The following DPYD variants were observed in gnomAD, a reference collection of about 807,000 sequenced individuals.
DPYD encodes dihydropyrimidine dehydrogenase [NADP(+)].
In DPYD, 109 loss-of-function variants were observed where a neutral mutation model predicts 116.2. That is an observed-to-expected ratio of 0.94 (90% CI 0.80 to 1.10). The LOEUF (loss-of-function observed/expected upper bound fraction) is 1.10, where lower values mean the gene tolerates loss of function less well. DPYD is among the 50% of genes least tolerant of loss of function. DPYD has a pLI of 0.00. For missense variants in DPYD, 1,302 were observed against 1,254.5 expected (o/e 1.04, Z -0.57); for synonymous variants, 440 against 432.0 (o/e 1.02, Z -0.23).
At chr1:97,745,663 T>G (rs1051124770) in intron 3 of DPYD, among the ~76,000 whole-genome samples, 2 of 152,096 alleles carry the variant, frequency 1.3e-5, no homozygotes, top group Non-Finnish European at 2.9e-5. Context: ...ATACACATTA[T>G]TTATCTTCAT....
At chr1:97,466,653 T>A (rs1677339751) in intron 13 of DPYD, among the ~76,000 whole-genome samples, 1 of 152,052 alleles carries the variant, frequency 6.6e-6, no homozygotes, top group African/African-American at 2.4e-5. Context: ...TCAAAAATGT[T>A]CTTTGAAATA....
At position 97,264,133 on chromosome 1, in the gene DPYD, C is replaced by T. The variant is rs559940072; in HGVS notation, c.2300-29139G>A. ...GGTTACCTACAGATAGCTATGACTGCCAATTCTGAATCTTAATAGCAAAAT... is the reference window on the plus strand; with the variant it reads ...GGTTACCTACAGATAGCTATGACTGTCAATTCTGAATCTTAATAGCAAAAT... On this transcript the variant is annotated intron_variant, in intron 18 of 22. Coordinates refer to ENST00000370192, the MANE Select transcript of DPYD (RefSeq NM_000110.4). 1.3e-4 allele frequency among the ~76,000 whole-genome samples: 19 copies of T among 145,258 alleles called. No individual in the cohort carries two copies. In the South Asian group the frequency reaches 2.4e-3, roughly 19 times the overall value.
At chr1:97,496,106 C>T (rs572809151) in intron 13 of DPYD, among the ~76,000 whole-genome samples, 1 of 152,056 alleles carries the variant, frequency 6.6e-6, no homozygotes, top group Non-Finnish European at 1.5e-5. Flanking sequence ...AAACAGCTGG[C>T]AAGTCAGAGA....
At chr1:97,305,401 T>C (rs1667098177) in intron 17 of DPYD, 23 bp from the exon 18 acceptor site, 1 of 1,611,820 alleles carries the variant, frequency 6.2e-7, no homozygotes, top group African/African-American at 1.3e-5. Context: ...CATCAACATT[T>C]TCATGCAGCT....
intron 3 of DPYD, among the ~76,000 whole-genome samples, chr1:97,778,170 A>AAAAAAG (rs1215956193): frequency 3.4e-5 from 3 of 88,620 alleles, no homozygotes; most frequent in Non-Finnish European, 6.3e-5. Flanking sequence ...AAAAAAAAAA[A>AAAAAAG]AAAGAAAGAA....
chr1:97,368,861 T>C (rs1466199250), intron 16 of DPYD, among the ~76,000 whole-genome samples: 2 of 152,226 alleles, frequency 1.3e-5, no homozygotes, highest in African/African-American at 4.8e-5. Flanking sequence ...TACCTTGTTA[T>C]TGTTGCATGA....
At chr1:97,880,056 A>ATTTC (rs1233830564) in intron 2 of DPYD, among the ~76,000 whole-genome samples, 2 of 151,714 alleles carry the variant, frequency 1.3e-5, no homozygotes, top group African/African-American at 4.8e-5. Context: ...ATATGTATAT[A>ATTTC]TATCAATATA....
chr1:97,189,637 C>T (rs910108087), intron 20 of DPYD, among the ~76,000 whole-genome samples: 2 of 152,058 alleles, frequency 1.3e-5, no homozygotes, highest in Non-Finnish European at 2.9e-5. Flanking sequence ...GCCTCCAACT[C>T]TATAGATGAA....
chr1:97,601,854 A>G (rs924390288), intron 8 of DPYD, among the ~76,000 whole-genome samples: 4 of 152,048 alleles, frequency 2.6e-5, no homozygotes, highest in Non-Finnish European at 5.9e-5. Flanking sequence ...GATTCAATAT[A>G]ACACATATGA....
At chr1:97,915,387 T>C (rs1012448309) in intron 1 of DPYD, among the ~76,000 whole-genome samples, 2 of 152,154 alleles carry the variant, frequency 1.3e-5, no homozygotes, top group African/African-American at 2.4e-5. Context: ...CTAAAAGTTA[T>C]ATGTTGAGTT....
intron 14 of DPYD, among the ~76,000 whole-genome samples, chr1:97,432,284 C>A (rs1462106116): frequency 6.6e-6 from 1 of 152,098 alleles, no homozygotes; most frequent in Non-Finnish European, 1.5e-5. Flanking sequence ...CTCTCCCACA[C>A]CCATACTGCT....
chr1:97,552,772 A>G (rs1651418379), intron 11 of DPYD, among the ~76,000 whole-genome samples: 1 of 152,070 alleles, frequency 6.6e-6, no homozygotes, highest in African/African-American at 2.4e-5. Flanking sequence ...TTTCTTTCAT[A>G]TTAAAAATCA....
chr1:97,515,102 C>A (rs753485325), intron 13 of DPYD, among the ~76,000 whole-genome samples: 1 of 151,828 alleles, frequency 6.6e-6, no homozygotes, highest in Non-Finnish European at 1.5e-5. Flanking sequence ...AGGATGCAAT[C>A]CTCTTGTATA....
intron 2 of DPYD, among the ~76,000 whole-genome samples, chr1:97,842,773 C>T (rs1298140923): frequency 6.6e-6 from 1 of 151,854 alleles, no homozygotes; most frequent in Non-Finnish European, 1.5e-5. Flanking sequence ...GACACTAGTG[C>T]CTATTTATAA....
At chr1:97,724,299 GGGGGGGGGGTGTGTGTGTGTGTGT>G (rs1367362322) in intron 4 of DPYD, among the ~76,000 whole-genome samples, 52 of 15,376 alleles carry the variant, frequency 3.4e-3, no homozygotes, top group East Asian at 0.014. Flanking sequence ...TATGTGGGGG[GGGGGGGGGGTGTGTGTGTGTGTGT>G]GTGTGTGTGT....
intron 10 of DPYD, among the ~76,000 whole-genome samples, chr1:97,579,754 A>G (rs1298709444): frequency 6.6e-6 from 1 of 152,262 alleles, no homozygotes; most frequent in African/African-American, 2.4e-5. Flanking sequence ...TGGTTTATCA[A>G]GCAAACATGC....
chr1:97,680,360 C>G (rs746048663), intron 7 of DPYD, among the ~76,000 whole-genome samples: 9 of 152,206 alleles, frequency 5.9e-5, no homozygotes, highest in Non-Finnish European at 1.3e-4. Flanking sequence ...CCAGCCTGTC[C>G]CCTGCCAACA....
chr1:97,488,697 G>T (rs1678793168), intron 13 of DPYD, among the ~76,000 whole-genome samples: 1 of 152,212 alleles, frequency 6.6e-6, no homozygotes, highest in East Asian at 1.9e-4. Flanking sequence ...CTTTCCACAA[G>T]ACAAGACATG....
chr1:97,405,923 C>T (rs868116722), intron 14 of DPYD, among the ~76,000 whole-genome samples: 1 of 152,136 alleles, frequency 6.6e-6, no homozygotes, highest in Non-Finnish European at 1.5e-5. Flanking sequence ...CTTCTCTTCC[C>T]CCTGCCAGAA....
Sources: allele counts gnomAD v4.1 joint callset (sites outside exome capture counted in the v4.1 genomes callset), GRCh38; gene constraint gnomAD v4.1.1; transcripts MANE v1.5; gene names NCBI Gene and HGNC (gene_info 2026-07-23, HGNC 2026-07-21).